The following AUH variants were observed in gnomAD, a reference collection of about 807,000 sequenced individuals.
AUH encodes the protein AU RNA binding methylglutaconyl-CoA hydratase, also known as methylglutaconyl-CoA hydratase, mitochondrial.
In AUH, 29 loss-of-function variants were observed where a neutral mutation model predicts 42.3. The observed-to-expected ratio is 0.69, with a 90% CI of 0.51 to 0.93. AUH has a LOEUF of 0.93. AUH is among the 40% of genes least tolerant of loss of function. The probability of loss-of-function intolerance (pLI) is 0.00; values close to 1 mark genes in which losing one functional copy is unlikely to be tolerated. For missense variants in AUH, 452 were observed against 438.1 expected (o/e 1.03, Z -0.28); for synonymous variants, 174 against 166.4 (o/e 1.05, Z -0.35).
chr9:91,239,398 T>G (rs1050558773), intron 6 of AUH, among the ~76,000 whole-genome samples: 4 of 152,194 alleles, frequency 2.6e-5, no homozygotes, highest in African/African-American at 9.6e-5. Context: ...GTTTTTTCCT[T>G]GAACCATGGG....
chr9:91,256,987 T>C (rs1829436545), intron 6 of AUH, among the ~76,000 whole-genome samples: 1 of 152,256 alleles, frequency 6.6e-6, no homozygotes, highest in African/African-American at 2.4e-5. Flanking sequence ...TTGTAGGTAT[T>C]CTTGGGTTAT....
chr9:91,232,744 G>T (rs1021262784), intron 6 of AUH, among the ~76,000 whole-genome samples: 1 of 152,228 alleles, frequency 6.6e-6, no homozygotes, highest in African/African-American at 2.4e-5. Flanking sequence ...TGCCTTGGCT[G>T]TGTCAACTTG....
At chr9:91,344,148 T>A (rs1831308669) in intron 3 of AUH, among the ~76,000 whole-genome samples, 1 of 152,086 alleles carries the variant, frequency 6.6e-6, no homozygotes, top group Admixed American at 6.6e-5. Context: ...CAAGAAACAT[T>A]TACAATCTAT....
intron 6 of AUH, among the ~76,000 whole-genome samples, chr9:91,289,792 A>G (rs1182465852): frequency 3.3e-5 from 5 of 152,222 alleles, no homozygotes; most frequent in Non-Finnish European, 7.3e-5. Flanking sequence ...GATGGAGCAG[A>G]AGAAGATTTT....
intron 3 of AUH, among the ~76,000 whole-genome samples, chr9:91,334,220 C>T (rs1300329039): frequency 3.9e-5 from 6 of 152,200 alleles, no homozygotes. Context: ...GCTGTGATGA[C>T]TCACTTTATG....
chr9:91,326,262 G>A (rs1014715565), intron 3 of AUH, among the ~76,000 whole-genome samples: 6 of 152,142 alleles, frequency 3.9e-5, no homozygotes, highest in Non-Finnish European at 8.8e-5. Context: ...TAGGGCAGGG[G>A]CATTCTGATC....
chr9:91,267,212 T>C (rs897515097), intron 6 of AUH, among the ~76,000 whole-genome samples: 2 of 152,170 alleles, frequency 1.3e-5, no homozygotes, highest in African/African-American at 4.8e-5. Context: ...AAGCAGTCTT[T>C]AAAAGGTAAC....
At chr9:91,317,590 T>C (rs1829255224) in intron 4 of AUH, among the ~76,000 whole-genome samples, 1 of 152,224 alleles carries the variant, frequency 6.6e-6, no homozygotes, top group South Asian at 2.1e-4. Context: ...GAGACAGCCA[T>C]ACCACATGAG....
rs1042602325 is a variant in AUH at position 91,214,193 on chromosome 9, G to A, written c.*155C>T. 1.0e-5 allele frequency: 7 copies of A among 684,090 alleles called. No individual in the cohort carries two copies. Among genetic ancestry groups the A allele is most frequent in the African/African-American group, 1.8e-5 (1 of 56,342 alleles). The allele number at this position is 684,090 out of a possible 1,614,324, so 42.4% of individuals were successfully genotyped here. On this transcript the variant is annotated 3_prime_UTR_variant, in exon 10 of 10. Transcript: ENST00000375731. ...ATTTACACATTTGAATGAAGTACAC[G>A]GATGGGTCCATTCCAGATGCTTATT...
intron 6 of AUH, among the ~76,000 whole-genome samples, chr9:91,222,167 C>T (rs1439206205): frequency 6.6e-6 from 1 of 151,810 alleles, no homozygotes; most frequent in East Asian, 1.9e-4. Flanking sequence ...AAAAAAAAAC[C>T]AATTTACCTC....
chr9:91,275,253 G>C (rs948739439), intron 6 of AUH, among the ~76,000 whole-genome samples: 7 of 152,194 alleles, frequency 4.6e-5, no homozygotes, highest in Admixed American at 6.5e-5. Flanking sequence ...TTCAGATCCA[G>C]GCAGCCCTGC....
chr9:91,232,123 A>G (rs1229387572), intron 6 of AUH, among the ~76,000 whole-genome samples: 1 of 152,124 alleles, frequency 6.6e-6, no homozygotes, highest in East Asian at 1.9e-4. Flanking sequence ...GGTGGCTCAC[A>G]CCTGTAATCC....
chr9:91,288,418 A>G (rs1456950109), intron 6 of AUH, among the ~76,000 whole-genome samples: 1 of 152,148 alleles, frequency 6.6e-6, no homozygotes, highest in African/African-American at 2.4e-5. Context: ...GGAAATGTAA[A>G]TGCTTTCTTA....
At chr9:91,319,033 A>C (rs970501295) in intron 4 of AUH, among the ~76,000 whole-genome samples, 2 of 152,208 alleles carry the variant, frequency 1.3e-5, no homozygotes, top group African/African-American at 4.8e-5. Context: ...ATTTATTGGC[A>C]TAAAGTTTTT....
At chr9:91,290,634 T>C (rs1318238547) in intron 6 of AUH, among the ~76,000 whole-genome samples, 2 of 152,144 alleles carry the variant, frequency 1.3e-5, no homozygotes, top group East Asian at 1.9e-4. Flanking sequence ...CTTAAGTATA[T>C]TGGGAAAAAA....
chr9:91,289,867 A>C (rs1167149901), intron 6 of AUH, among the ~76,000 whole-genome samples: 1 of 152,196 alleles, frequency 6.6e-6, no homozygotes, highest in Non-Finnish European at 1.5e-5. Flanking sequence ...TTTAAAATAA[A>C]ATCTCTGCTG....
intron 6 of AUH, among the ~76,000 whole-genome samples, chr9:91,255,812 T>C (rs1227652008): frequency 2.0e-5 from 3 of 152,162 alleles, no homozygotes; most frequent in Non-Finnish European, 4.4e-5. Context: ...AGAAATGACA[T>C]TTATTATTTA....
At chr9:91,334,702 G>A (rs1830576639) in intron 3 of AUH, among the ~76,000 whole-genome samples, 1 of 152,158 alleles carries the variant, frequency 6.6e-6, no homozygotes, top group Non-Finnish European at 1.5e-5. Context: ...TCTAGTGAAT[G>A]AGAAATGGTA....
intron 6 of AUH, among the ~76,000 whole-genome samples, chr9:91,261,041 T>C (rs1829682634): frequency 6.6e-6 from 1 of 152,210 alleles, no homozygotes; most frequent in African/African-American, 2.4e-5. Context: ...TTTTTTTCTT[T>C]TAAATCCTTG....
Sources: gnomAD v4.1 joint callset for allele counts (sites outside exome capture counted in the v4.1 genomes callset) on GRCh38, gnomAD v4.1.1 for gene constraint, MANE v1.5 for transcripts, NCBI Gene and HGNC (gene_info 2026-07-23, HGNC 2026-07-21) for gene names.